The following NBEA variants were observed in gnomAD, a reference collection of about 807,000 sequenced individuals.
The protein encoded by NBEA is neurobeachin.
Under a neutral mutation model 343.4 loss-of-function variants are expected in NBEA, and 44 were observed. That is an observed-to-expected ratio of 0.13 (90% CI 0.10 to 0.16). The LOEUF is 0.16. Ranked by LOEUF, NBEA falls within the 10% of genes least tolerant of loss-of-function variation. The probability of loss-of-function intolerance (pLI) is 1.00; values close to 1 mark genes in which losing one functional copy is unlikely to be tolerated. For missense variants in NBEA, 2,555 were observed against 3,631.3 expected, an observed-to-expected ratio of 0.70 and a Z score of 7.62; for synonymous variants, 1,175 against 1,238.7, an observed-to-expected ratio of 0.95 and a Z score of 1.08.
At chr13:35,607,449 A>C (rs987318173) in intron 48 of NBEA, among the ~76,000 whole-genome samples, 2 of 152,200 alleles carry the variant, frequency 1.3e-5, no homozygotes, top group Admixed American at 1.3e-4. Flanking sequence ...AGGAGATTTT[A>C]ATCCCAACAT....
chr13:35,515,302 C>T (rs1014748599), intron 41 of NBEA, among the ~76,000 whole-genome samples: 7 of 152,130 alleles, frequency 4.6e-5, no homozygotes, highest in Non-Finnish European at 2.9e-5. Context: ...TCCTGAAATT[C>T]CAGACTGAGG....
intron 41 of NBEA, among the ~76,000 whole-genome samples, chr13:35,525,290 G>A (rs1162363445): frequency 2.6e-5 from 4 of 152,140 alleles, no homozygotes; most frequent in African/African-American, 4.8e-5. Flanking sequence ...GGTGGCTCAC[G>A]CCTGTAATCC....
At chr13:35,581,626 C>T (rs1472096627) in intron 45 of NBEA, among the ~76,000 whole-genome samples, 1 of 149,768 alleles carries the variant, frequency 6.7e-6, no homozygotes, top group Non-Finnish European at 1.5e-5. Flanking sequence ...AGTAAACTAT[C>T]GCAAGGAGAA....
At chr13:35,019,500 T>C (rs1316847039) in intron 1 of NBEA, among the ~76,000 whole-genome samples, 1 of 151,998 alleles carries the variant, frequency 6.6e-6, no homozygotes, top group African/African-American at 2.4e-5. Flanking sequence ...GGTCTCACCA[T>C]GTTGGCCAGG....
At chr13:35,283,915 G>A (rs2035231450) in intron 34 of NBEA, among the ~76,000 whole-genome samples, 1 of 152,040 alleles carries the variant, frequency 6.6e-6, no homozygotes, top group South Asian at 2.1e-4. Context: ...ATGTGTAAGT[G>A]TGTGTATGTA....
At chr13:35,548,123 T>C (rs2079148715) in intron 41 of NBEA, among the ~76,000 whole-genome samples, 1 of 152,152 alleles carries the variant, frequency 6.6e-6, no homozygotes, top group African/African-American at 2.4e-5. Flanking sequence ...TTCAGTGCCC[T>C]TTCCTGACAA....
At chr13:35,366,994 A>G (rs958735025) in intron 38 of NBEA, among the ~76,000 whole-genome samples, 2 of 151,518 alleles carry the variant, frequency 1.3e-5, no homozygotes, top group South Asian at 2.1e-4. Flanking sequence ...AAAAATGGCA[A>G]TTTAGTTTGG....
At chr13:35,321,345 G>C (rs1043429431) in intron 36 of NBEA, among the ~76,000 whole-genome samples, 1 of 152,176 alleles carries the variant, frequency 6.6e-6, no homozygotes, top group African/African-American at 2.4e-5. Flanking sequence ...CTAAGAGTCA[G>C]ACTTCTCTGC....
At chr13:35,600,918 T>G (rs912527606) in intron 47 of NBEA, among the ~76,000 whole-genome samples, 1 of 152,166 alleles carries the variant, frequency 6.6e-6, no homozygotes, top group Non-Finnish European at 1.5e-5. Context: ...GGTTCATGCC[T>G]GTAATCACAG....
At chr13:35,450,872 G>C (rs1428985682) in intron 39 of NBEA, among the ~76,000 whole-genome samples, 2 of 152,284 alleles carry the variant, frequency 1.3e-5, no homozygotes, top group African/African-American at 4.8e-5. Flanking sequence ...TGTGGTGTTT[G>C]TGTGGGTGTA....
At chr13:35,349,238 A>G (rs1357195927) in intron 37 of NBEA, 22 bp downstream of exon 37, 21 of 1,428,040 alleles carry the variant, frequency 1.5e-5, no homozygotes, top group Non-Finnish European at 1.9e-5. Context: ...GGAGTAGACT[A>G]AATTCTGCCT....
chr13:34,971,878 C>T (rs1014063231), intron 1 of NBEA, among the ~76,000 whole-genome samples: 6 of 151,510 alleles, frequency 4.0e-5, no homozygotes, highest in Admixed American at 2.0e-4. Context: ...GGGAGGAGTC[C>T]CTCCTTTTCA....
chr13:35,057,366 C>G (rs1048307868), intron 7 of NBEA, among the ~76,000 whole-genome samples: 1 of 152,106 alleles, frequency 6.6e-6, no homozygotes, highest in African/African-American at 2.4e-5. Flanking sequence ...AAATCTGACC[C>G]TCCCCCTGTT....
At chr13:35,407,564 G>A (rs1260992613) in intron 38 of NBEA, among the ~76,000 whole-genome samples, 2 of 150,326 alleles carry the variant, frequency 1.3e-5, no homozygotes, top group African/African-American at 4.9e-5. Flanking sequence ...TTATTTTAAG[G>A]ACAGAATGAA....
chr13:35,471,806 A>G (rs556650217), intron 40 of NBEA, among the ~76,000 whole-genome samples: 2 of 152,320 alleles, frequency 1.3e-5, no homozygotes, highest in African/African-American at 2.4e-5. Context: ...GTTCTTTTCT[A>G]CGTAAGAACT....
chr13:34,988,662 G>A lies in NBEA; in HGVS notation c.294+45548G>A, dbSNP rs147785038. ...CTGCGGACCAGAGCTGTTCCTATTC[G>A]GCCATCTTGGACTGACCTTTGTATT... On this transcript the variant is annotated intron_variant, in intron 1 of 58. Coordinates refer to ENST00000379939, the MANE Select transcript of NBEA (RefSeq NM_001385012.1). Among the ~76,000 whole-genome samples, 10 of 150,968 alleles carry A rather than the reference G, an allele frequency of 6.6e-5. 2 individuals are homozygous for A. The highest frequency in any genetic ancestry group is 4.2e-4 in the South Asian group (2 of 4,748).
chr13:35,540,487 A>G (rs1372410261), intron 41 of NBEA, among the ~76,000 whole-genome samples: 1 of 152,176 alleles, frequency 6.6e-6, no homozygotes, highest in Non-Finnish European at 1.5e-5. Context: ...AAATGAGGAA[A>G]CATAGCCAAA....
chr13:35,401,859 A>G (rs74890198), intron 38 of NBEA, among the ~76,000 whole-genome samples: 3,780 of 152,100 alleles, frequency 0.025, 142 homozygotes, highest in East Asian at 0.17. Context: ...TGAGTTTTCT[A>G]GTCATGATAT....
intron 8 of NBEA, 52 bp downstream of exon 8, chr13:35,058,915 T>A: frequency 2.8e-6 from 4 of 1,415,396 alleles, no homozygotes; most frequent in Non-Finnish European, 3.8e-6. Context: ...AGATGTAAAA[T>A]GTGGTGTAAT....
Sources: allele counts gnomAD v4.1 joint callset (sites outside exome capture counted in the v4.1 genomes callset), GRCh38; gene constraint gnomAD v4.1.1; transcripts MANE v1.5; gene names NCBI Gene and HGNC (gene_info 2026-07-23, HGNC 2026-07-21).